The following EFHC2 variants were observed in gnomAD, a reference collection of about 807,000 sequenced individuals.
EFHC2 encodes the protein EF-hand domain containing 2.
EFHC2 carries 18 observed loss-of-function variants against 52.7 expected under a neutral mutation model. That is an observed-to-expected ratio of 0.34 (90% confidence interval 0.24 to 0.51). The LOEUF is 0.51. EFHC2 is among the 20% of genes least tolerant of loss of function. The pLI is 0.97. For synonymous variants in EFHC2, 203 were observed against 204.1 expected (o/e 0.99, Z 0.04); for missense variants, 513 against 562.5 (o/e 0.91, Z 0.89).
chrX:44,222,823 G>T (rs2037203941), intron 11 of EFHC2, among the ~76,000 whole-genome samples: 1 of 111,601 alleles, frequency 9.0e-6, no homozygotes, highest in Non-Finnish European at 1.9e-5. Context: ...TTTTGATACA[G>T]GTATACATTT....
At chrX:44,327,977 A>G (rs757702635) in intron 1 of EFHC2, among the ~76,000 whole-genome samples, 1 of 112,235 alleles carries the variant, frequency 8.9e-6, no homozygotes, top group East Asian at 2.8e-4. Context: ...ATTTAAATCA[A>G]TAAGATCTGG....
At position 44,261,256 on chromosome X, in the gene EFHC2, T is replaced by C. The variant is rs2037535831; in HGVS notation, c.425A>G (p.Asp142Gly). ...ATACACAGTATAAAACTGATCCTCA[T>C]CAGGAGGCGGAAGAGTAATCCGATG... Reference protein sequence around the residue: ...RRHRITLPPPDEDQFYTVYHF... With the variant: ...RRHRITLPPPGEDQFYTVYHF... The change falls in exon 4 of 15, where the codon GAT becomes GGT. Residue 142 changes from aspartate (D) to glycine (G), a missense_variant. Transcript: ENST00000420999. 1 of 1,201,630 alleles carries C rather than the reference T, an allele frequency of 8.3e-7. No homozygotes were observed. The highest frequency in any genetic ancestry group is 1.1e-6 in the Non-Finnish European group (1 of 889,289).
chrX:44,254,157 T>C (rs1400872552), intron 4 of EFHC2, among the ~76,000 whole-genome samples: 2 of 111,941 alleles, frequency 1.8e-5, no homozygotes, highest in Admixed American at 1.9e-4. Context: ...TCCACAAAGA[T>C]GAAGAAAAAC....
chrX:44,260,331 A>T (rs1485961531), intron 4 of EFHC2, among the ~76,000 whole-genome samples: 1 of 111,945 alleles, frequency 8.9e-6, no homozygotes, highest in African/African-American at 3.2e-5. Flanking sequence ...AAATCAGGGT[A>T]AGAGTCAAGA....
chrX:44,232,625 T>A lies in EFHC2; in HGVS notation c.1476A>T (p.Gln492His). ...LKRSRVKKPG[Q>H]EVFKSELSEY... ...CAGATAGTTCACTTTTAAAGACTTC[T>A]TGTCCAGGCTTCTTAACGCGACTTC... The change falls in exon 10 of 15, where the codon CAA becomes CAT. Residue 492 changes from glutamine (Q) to histidine (H), a missense_variant. By Grantham distance (24) the Gln-to-His change is conservative. Transcript: ENST00000420999. 8.3e-7 allele frequency: 1 copy of A among 1,198,830 alleles called. No individual in the cohort carries two copies.
intron 11 of EFHC2, among the ~76,000 whole-genome samples, chrX:44,196,781 G>T (rs2036969149): frequency 8.9e-6 from 1 of 112,192 alleles, no homozygotes; most frequent in Admixed American, 9.4e-5. Flanking sequence ...ATATTTGCTG[G>T]CTTAGTGTTT....
intron 13 of EFHC2, among the ~76,000 whole-genome samples, chrX:44,165,679 G>A (rs1166665425): frequency 9.0e-6 from 1 of 111,456 alleles, no homozygotes; most frequent in Non-Finnish European, 1.9e-5. Context: ...TTATGCTGAG[G>A]AAAACTAAGA....
At chrX:44,196,585 C>G (rs980668658) in intron 11 of EFHC2, among the ~76,000 whole-genome samples, 2 of 111,583 alleles carry the variant, frequency 1.8e-5, no homozygotes, top group African/African-American at 6.5e-5. Context: ...CCAACTGCCC[C>G]CATTCCAAAA....
At chrX:44,258,795 G>A (rs1354036553) in intron 4 of EFHC2, among the ~76,000 whole-genome samples, 1 of 109,758 alleles carries the variant, frequency 9.1e-6, no homozygotes, top group African/African-American at 3.3e-5. Context: ...GGCAGAGTTT[G>A]CAGTGAGCCA....
chrX:44,339,148 G>A (rs1339811976), intron 1 of EFHC2, among the ~76,000 whole-genome samples: 1 of 103,798 alleles, frequency 9.6e-6, no homozygotes, highest in African/African-American at 3.9e-5. Flanking sequence ...CCGAGATGGC[G>A]CCATTGCGCT....
chrX:44,227,367 C>G (rs916307422), intron 11 of EFHC2, among the ~76,000 whole-genome samples: 1 of 110,954 alleles, frequency 9.0e-6, no homozygotes, highest in African/African-American at 3.3e-5. Context: ...GTGCAGGGAC[C>G]ATTTGTGGGC....
At chrX:44,248,510 A>G (rs1441273346) in intron 6 of EFHC2, 100 bp from the exon 7 acceptor site, 5 of 937,872 alleles carry the variant, frequency 5.3e-6, no homozygotes, top group Admixed American at 7.2e-5. Flanking sequence ...TAAAACTTCA[A>G]TCTTTAATAA....
At chrX:44,235,855 C>G (rs2037316037) in intron 8 of EFHC2, among the ~76,000 whole-genome samples, 1 of 112,301 alleles carries the variant, frequency 8.9e-6, no homozygotes, top group African/African-American at 3.2e-5. Context: ...GGCTACCTCC[C>G]CCATTCACCA....
At chrX:44,335,005 G>C (rs1025914933) in intron 1 of EFHC2, among the ~76,000 whole-genome samples, 2 of 110,803 alleles carry the variant, frequency 1.8e-5, no homozygotes, top group Admixed American at 9.7e-5. Flanking sequence ...ATAAACTATT[G>C]TAAGTCTACA....
intron 11 of EFHC2, among the ~76,000 whole-genome samples, chrX:44,217,807 T>C (rs1190969853): frequency 9.0e-6 from 1 of 111,531 alleles, no homozygotes; most frequent in Non-Finnish European, 1.9e-5. Context: ...CCATAGTCAA[T>C]AACAATTTAA....
intron 1 of EFHC2, among the ~76,000 whole-genome samples, chrX:44,337,238 TTAAC>T (rs2038122579): frequency 8.9e-6 from 1 of 111,935 alleles, no homozygotes; most frequent in Non-Finnish European, 1.9e-5. Flanking sequence ...TAAGCTAAGT[TTAAC>T]TATCTGTTTT....
intron 13 of EFHC2, among the ~76,000 whole-genome samples, chrX:44,174,301 T>A (rs1025657917): frequency 9.0e-6 from 1 of 111,048 alleles, no homozygotes; most frequent in East Asian, 2.8e-4. Flanking sequence ...ACTCAAAGAA[T>A]TTAAGAGATG....
chrX:44,221,583 T>C (rs1341537186), intron 11 of EFHC2, among the ~76,000 whole-genome samples: 1 of 111,832 alleles, frequency 8.9e-6, no homozygotes, highest in African/African-American at 3.2e-5. Context: ...TTTTCTTGGA[T>C]ATTCTCAACC....
At chrX:44,240,264 T>C (rs1010644847) in intron 8 of EFHC2, among the ~76,000 whole-genome samples, 1 of 111,832 alleles carries the variant, frequency 8.9e-6, no homozygotes, top group African/African-American at 3.3e-5. Context: ...TTGAGGAAAG[T>C]GTATTCCTGG....
Sources: allele counts gnomAD v4.1 joint callset (sites outside exome capture counted in the v4.1 genomes callset), GRCh38; gene constraint gnomAD v4.1.1; transcripts MANE v1.5; gene names NCBI Gene and HGNC (gene_info 2026-07-23, HGNC 2026-07-21).